The following ADAMTSL2 variants were observed in gnomAD, a reference collection of about 807,000 sequenced individuals.
ADAMTSL2 encodes the protein ADAMTS-like protein 2.
In ADAMTSL2, 55 loss-of-function variants were observed where a neutral mutation model predicts 117.0. That is an observed-to-expected ratio of 0.47 (90% CI 0.38 to 0.59). The LOEUF (loss-of-function observed/expected upper bound fraction) is 0.59. Among genes scored for constraint, ADAMTSL2 ranks in the 20% least tolerant of loss-of-function variants. The pLI is 0.00. For synonymous variants in ADAMTSL2, 572 were observed against 566.4 expected, an observed-to-expected ratio of 1.01 and a Z score of -0.14; for missense variants, 1,182 against 1,354.5, an observed-to-expected ratio of 0.87 and a Z score of 2.00.
chr9:133,545,072 A>G (rs1830316670), intron 8 of ADAMTSL2, among the ~76,000 whole-genome samples: 1 of 152,108 alleles, frequency 6.6e-6, no homozygotes, highest in African/African-American at 2.4e-5. Flanking sequence ...AGTTGTTTCC[A>G]TGATGGACAG....
At chr9:133,559,424 A>T (rs1830677702) in intron 11 of ADAMTSL2, among the ~76,000 whole-genome samples, 2 of 142,172 alleles carry the variant, frequency 1.4e-5, no homozygotes, top group African/African-American at 5.3e-5. Flanking sequence ...GCTCACTGCA[A>T]GCTCTGCCTC....
intron 17 of ADAMTSL2, among the ~76,000 whole-genome samples, chr9:133,571,903 C>A (rs1039073964): frequency 6.6e-6 from 1 of 152,152 alleles, no homozygotes; most frequent in African/African-American, 2.4e-5. Flanking sequence ...GGGTGTCAGA[C>A]GGAACTCAGA....
chr9:133,561,141 G>A, intron 11 of ADAMTSL2, 57 bp from the exon 12 acceptor site: 1 of 1,459,954 alleles, frequency 6.8e-7, no homozygotes, highest in Non-Finnish European at 9.4e-7. Context: ...AAAAGCCGGA[G>A]CCTGCCGGTG....
In ADAMTSL2 at chr9:133,575,455, C is replaced by G. The variant is rs1831210637; in HGVS notation, c.*591C>G. 6.2e-6 allele frequency: 1 copy of G among 160,510 alleles called. No homozygotes were observed. The highest frequency in any genetic ancestry group is 1.4e-5 in the Non-Finnish European group (1 of 72,658). The allele number at this position is 160,510 out of a possible 1,614,324, so 9.9% of individuals were successfully genotyped here. A position where few individuals can be genotyped will look rare whatever the true frequency, so the allele number is the denominator to read the frequency against. ...GGGACGTTTGGGGATGGACCTCGGC[C>G]CCCGCCCCTGCAGTCAGCGTCAGTG... is the stretch of plus-strand genomic sequence containing the variant. On this transcript the variant is annotated 3_prime_UTR_variant, in exon 19 of 19. Coordinates refer to ENST00000651351, the MANE Select transcript of ADAMTSL2 (RefSeq NM_014694.4).
At chr9:133,569,975 A>T (rs1831066775) in intron 16 of ADAMTSL2, among the ~76,000 whole-genome samples, 1 of 152,208 alleles carries the variant, frequency 6.6e-6, no homozygotes, top group African/African-American at 2.4e-5. Context: ...GCCATTTCAG[A>T]CGAGTTGCTC....
intron 12 of ADAMTSL2, 30 bp downstream of exon 12, chr9:133,561,325 A>G: frequency 6.5e-7 from 1 of 1,543,414 alleles, no homozygotes; most frequent in South Asian, 1.2e-5. Context: ...AGGGGCAGCA[A>G]CTGCCCTGAA....
chr9:133,562,584 C>A (rs867616209), intron 12 of ADAMTSL2, among the ~76,000 whole-genome samples: 1,717 of 71,142 alleles, frequency 0.024, 237 homozygotes, highest in African/African-American at 0.061. Context: ...CTGCTGGGCC[C>A]GGCTCGCACC....
chr9:133,536,521 G>T (rs1000264488), intron 1 of ADAMTSL2, 42 bp from the exon 2 acceptor site: 7 of 1,510,536 alleles, frequency 4.6e-6, no homozygotes, highest in South Asian at 1.3e-5. Context: ...GCTCCTTCTT[G>T]CTAAGCCTAG....
At chr9:133,561,395 A>G in intron 12 of ADAMTSL2, 100 bp downstream of exon 12, 1 of 1,120,144 alleles carries the variant, frequency 8.9e-7, no homozygotes, top group Admixed American at 2.0e-5. Context: ...GCAGCCCCCA[A>G]ACTGCCCTCG....
chr9:133,567,097 G>A (rs113724690), intron 13 of ADAMTSL2, 35 bp downstream of exon 13: 27,023 of 1,586,216 alleles, frequency 0.017, 323 homozygotes, highest in South Asian at 0.028. Flanking sequence ...CAGGGGGTCG[G>A]CAGGGGGCGT....
chr9:133,570,306 C>T (rs1384579996), intron 16 of ADAMTSL2, 25 bp from the exon 17 acceptor site: 1 of 1,538,032 alleles, frequency 6.5e-7, no homozygotes, highest in Non-Finnish European at 8.7e-7. Flanking sequence ...CTGGCGCTGA[C>T]CCGCTCCCTC....
intron 15 of ADAMTSL2, 126 bp downstream of exon 15, chr9:133,568,884 C>T (rs1831039892): frequency 7.9e-7 from 1 of 1,260,448 alleles, no homozygotes; most frequent in South Asian, 1.3e-5. Flanking sequence ...GTCCAACCAG[C>T]CTTCTCCCAT....
chr9:133,547,245 G>C (rs373866266), intron 9 of ADAMTSL2, 32 bp downstream of exon 9: 24 of 1,598,938 alleles, frequency 1.5e-5, no homozygotes, highest in Non-Finnish European at 1.9e-5. Context: ...GGGGCCCCAG[G>C]GGCCCTGGGC....
Position 133,538,369 on chromosome 9 carries a change from C to T in ADAMTSL2, c.254C>T (p.Pro85Leu), listed in dbSNP as rs945119581. The change falls in exon 4 of 19, where the codon CCC becomes CTC. Residue 85 changes from proline (P) to leucine (L), a missense_variant. Around this residue, in one of 3 missense-constraint regions of ADAMTSL2, gnomAD observed 372 missense variants for 463.4 expected, o/e 0.80. Coordinates refer to ENST00000651351, the MANE Select transcript of ADAMTSL2 (RefSeq NM_014694.4). The stretch of plus-strand genomic sequence containing the variant: ...GCCAGGAGGAAGTCCGTCCCGGGCC[C>T]CGGGAACAGGACCTGCACGGGCACG... ...LQQRRKSVPG[P>L]GNRTCTGTSK... The T allele has an allele frequency of 6.2e-7, 1 of 1,613,362 alleles. No individual in the cohort carries two copies. Among genetic ancestry groups the T allele is most frequent in the East Asian group, 2.2e-5 (1 of 44,874 alleles).
chr9:133,540,715 G>T lies in ADAMTSL2; in HGVS notation c.530G>T (p.Arg177Leu). ...DGTSCKLTDL[R>L]GVCVSGKCEP... ...ACATCCTGCAAGCTCACTGACCTGC[G>T]AGGGGTTTGCGTGTCTGGAAAATGT... Residue 177 changes from arginine to leucine, a missense_variant, in exon 6 of 19, where the codon CGA becomes CTA. By Grantham distance (102) the Arg-to-Leu change is moderately radical. This residue lies in a region of ADAMTSL2 where 372 missense variants were observed against 463.4 expected (regional missense o/e 0.80). Coordinates refer to ENST00000651351, the MANE Select transcript of ADAMTSL2 (RefSeq NM_014694.4). The T allele has an allele frequency of 1.2e-6, 2 of 1,613,912 alleles. No individual in the cohort carries two copies. Among genetic ancestry groups the T allele is most frequent in the Non-Finnish European group, 1.7e-6 (2 of 1,180,046 alleles).
chr9:133,560,184 C>T (rs1370724801), intron 11 of ADAMTSL2, among the ~76,000 whole-genome samples: 4 of 152,216 alleles, frequency 2.6e-5, no homozygotes, highest in Admixed American at 1.3e-4. Flanking sequence ...ACCTGGCCCA[C>T]GTTTCAGCCC....
Position 133,558,370 on chromosome 9 carries a change from G to C in ADAMTSL2, c.1649+2440G>C, listed in dbSNP as rs1830654568. On this transcript the variant is annotated intron_variant, in intron 11 of 18. Coordinates refer to ENST00000651351, the MANE Select transcript of ADAMTSL2 (RefSeq NM_014694.4). This position sits in a 1 kb window ranked among gnomAD's most constrained non-coding sequence, Gnocchi z 4.3. ...TGTCCAAACACAGGAAGTCGTGTCT[G>C]CTCAGAGAAGGCAAAATCAAAGGGG... Among the ~76,000 whole-genome samples the C allele has an allele frequency of 6.6e-6, 1 of 152,206 alleles. No individual in the cohort carries two copies. Among genetic ancestry groups the C allele is most frequent in the South Asian group, 2.1e-4 (1 of 4,836 alleles).
chr9:133,554,775 C>T lies in ADAMTSL2; in HGVS notation c.1276+82C>T. On this transcript the variant is annotated intron_variant, in intron 10 of 18. Coordinates refer to ENST00000651351, the MANE Select transcript of ADAMTSL2 (RefSeq NM_014694.4). This position sits in a 1 kb window ranked among gnomAD's most constrained non-coding sequence, Gnocchi z 5.2. Reference sequence around the variant, plus strand: ...GGCCTTGGGGAAGGGGTCTCAGACCCTTTGCAGACCTGCAGAGGAGGTTCC... The same window carrying T: ...GGCCTTGGGGAAGGGGTCTCAGACCTTTTGCAGACCTGCAGAGGAGGTTCC... The T allele has an allele frequency of 8.1e-7, 1 of 1,238,064 alleles. No homozygotes were observed. Among genetic ancestry groups the T allele is most frequent in the Non-Finnish European group, 1.1e-6 (1 of 913,340 alleles). 76.7% of individuals were successfully genotyped at this position (1,238,064 alleles called of 1,614,324 possible). A position where few individuals can be genotyped will look rare whatever the true frequency, so the allele number is the denominator to read the frequency against.
intron 12 of ADAMTSL2, among the ~76,000 whole-genome samples, chr9:133,565,377 G>C (rs900170718): frequency 4.1e-4 from 62 of 152,328 alleles, no homozygotes; most frequent in African/African-American, 1.5e-3. Flanking sequence ...TCTTGACCAA[G>C]GCCTGCCGCG....
Sources: gnomAD v4.1 joint callset for allele counts (sites outside exome capture counted in the v4.1 genomes callset) on GRCh38, gnomAD v4.1.1 for gene constraint, gnomAD v4.1.1 regional missense constraint, Gnocchi (gnomAD v3.1) non-coding constraint, MANE v1.5 for transcripts, NCBI Gene and HGNC (gene_info 2026-07-23, HGNC 2026-07-21) for gene names.